Variants in SMC6 observed in about 807,000 individuals in gnomAD.
SMC6 encodes the protein structural maintenance of chromosomes protein 6.
Under a neutral mutation model 142.2 loss-of-function variants are expected in SMC6, and 79 were observed. The ratio of observed to expected loss-of-function variants is 0.56; its 90% CI spans 0.46 to 0.67. The LOEUF is 0.67. Ranked by LOEUF, SMC6 falls within the 30% of genes least tolerant of loss-of-function variation. SMC6 has a pLI of 0.00. For synonymous variants in SMC6, 411 were observed against 412.4 expected (o/e 1.00, Z 0.04); for missense variants, 1,072 against 1,284.0 (o/e 0.83, Z 2.52).
chr2:17,753,350 G>A (rs1335865972), intron 1 of SMC6, among the ~76,000 whole-genome samples: 2 of 152,224 alleles, frequency 1.3e-5, no homozygotes, highest in East Asian at 3.9e-4. Context: ...GGAGGGGACG[G>A]CCGCCTGGGA....
intron 25 of SMC6, among the ~76,000 whole-genome samples, chr2:17,671,882 C>T (rs553940096): frequency 1.5e-3 from 231 of 151,956 alleles, no homozygotes; most frequent in African/African-American, 5.2e-3. Context: ...TATATGCATA[C>T]AAGGTGAAAA....
At chr2:17,720,224 A>G (rs1467630312) in intron 11 of SMC6, among the ~76,000 whole-genome samples, 3 of 152,206 alleles carry the variant, frequency 2.0e-5, no homozygotes, top group East Asian at 1.9e-4. Context: ...GAGTGAGTAT[A>G]AAGAGTGGAT....
chr2:17,696,220 G>C (rs925074311), intron 22 of SMC6, 69 bp downstream of exon 22: 3 of 1,525,712 alleles, frequency 2.0e-6, no homozygotes, highest in African/African-American at 1.4e-5. Context: ...CATGACATTA[G>C]GGAAAACACA....
At chr2:17,692,803 T>C (rs1318793516) in intron 23 of SMC6, among the ~76,000 whole-genome samples, 2 of 152,098 alleles carry the variant, frequency 1.3e-5, no homozygotes, top group African/African-American at 2.4e-5. Flanking sequence ...TGCAATCTAC[T>C]CATCTGACAA....
At chr2:17,676,680 A>G (rs75884939) in intron 25 of SMC6, among the ~76,000 whole-genome samples, 1,950 of 152,194 alleles carry the variant, frequency 0.013, 22 homozygotes, top group East Asian at 0.031. Flanking sequence ...TGATCTAACA[A>G]CACCCTATAT....
intron 25 of SMC6, among the ~76,000 whole-genome samples, chr2:17,673,295 T>A (rs761335729): frequency 4.6e-5 from 7 of 152,208 alleles, no homozygotes; most frequent in Non-Finnish European, 8.8e-5. Flanking sequence ...GTTGCATGTA[T>A]GCATCACAAA....
intron 5 of SMC6, among the ~76,000 whole-genome samples, chr2:17,732,133 A>C (rs1259902651): frequency 6.6e-6 from 1 of 152,234 alleles, no homozygotes; most frequent in Non-Finnish European, 1.5e-5. Flanking sequence ...CATCATAGAA[A>C]TAGCACATCT....
At chr2:17,705,461 A>G (rs1194356090) in intron 18 of SMC6, among the ~76,000 whole-genome samples, 1 of 151,166 alleles carries the variant, frequency 6.6e-6, no homozygotes, top group Non-Finnish European at 1.5e-5. Flanking sequence ...CCAGGTACTC[A>G]GGTGGCTGAG....
chr2:17,723,364 T>G (rs1325568662), intron 9 of SMC6, among the ~76,000 whole-genome samples: 1 of 152,226 alleles, frequency 6.6e-6, no homozygotes, highest in African/African-American at 2.4e-5. Context: ...TCCATTTTCA[T>G]GTCTTCTACT....
At chr2:17,724,780 G>C (rs565934571) in intron 9 of SMC6, among the ~76,000 whole-genome samples, 1 of 152,282 alleles carries the variant, frequency 6.6e-6, no homozygotes, top group African/African-American at 2.4e-5. Flanking sequence ...AGTTGCTTAA[G>C]GAATGTTAAC....
At chr2:17,706,280 T>C (rs1385075412) in intron 18 of SMC6, among the ~76,000 whole-genome samples, 1 of 152,180 alleles carries the variant, frequency 6.6e-6, no homozygotes, top group African/African-American at 2.4e-5. Context: ...TTCCACATTA[T>C]GTATACTTTT....
Position 17,700,322 on chromosome 2 carries a change from C to T in SMC6, c.2280G>A (p.Glu760=), listed in dbSNP as rs558572928. ...GATGCTCCATATTTTCTTTTTGTTG[C>T]TCCATATGTTCCTCAACCATTTTCA... ...SKMKMVEEHM[E]QQKENMEHLK... is the part of the protein sequence containing the mutation. The change falls in exon 21 of 28, where the codon GAG becomes GAA. Residue 760 remains glutamate, a synonymous_variant. Transcript: ENST00000448223. 1.9e-5 allele frequency: 31 copies of T among 1,610,846 alleles called. No homozygotes were observed. Among genetic ancestry groups the T allele is most frequent in the Middle Eastern group, 1.7e-4 (1 of 6,040 alleles).
intron 5 of SMC6, among the ~76,000 whole-genome samples, chr2:17,737,661 A>G (rs1670222983): frequency 1.3e-5 from 2 of 152,226 alleles, no homozygotes. Flanking sequence ...ACTATTCACC[A>G]AGGGTCTGGG....
At chr2:17,725,196 A>C (rs1249977052) in intron 9 of SMC6, 61 bp downstream of exon 9, 1 of 1,061,004 alleles carries the variant, frequency 9.4e-7, no homozygotes, top group Non-Finnish European at 1.4e-6. Flanking sequence ...AATATCATTT[A>C]CTGTAAGTAC....
chr2:17,695,040 T>C, intron 23 of SMC6, 112 bp downstream of exon 23: 1 of 1,169,520 alleles, frequency 8.6e-7, no homozygotes, highest in Non-Finnish European at 1.2e-6. Context: ...GCTATAACTA[T>C]TTGCTATAGT....
intron 23 of SMC6, among the ~76,000 whole-genome samples, chr2:17,694,890 C>T (rs57350811): frequency 1.3e-5 from 2 of 152,242 alleles, no homozygotes; most frequent in East Asian, 1.9e-4. Context: ...TGAAGTTGAA[C>T]ATTTTCATGT....
intron 2 of SMC6, among the ~76,000 whole-genome samples, chr2:17,751,200 C>G (rs1671012411): frequency 6.6e-6 from 1 of 151,896 alleles, no homozygotes; most frequent in Admixed American, 6.6e-5. Flanking sequence ...TGAGTTTGGG[C>G]TGGGCTCAGT....
At chr2:17,751,410 G>A (rs1027843933) in intron 2 of SMC6, among the ~76,000 whole-genome samples, 2 of 150,366 alleles carry the variant, frequency 1.3e-5, no homozygotes, top group East Asian at 1.9e-4. Flanking sequence ...AACCCGGGAG[G>A]CAGGATTGCA....
At chr2:17,737,002 T>C (rs1270629641) in intron 5 of SMC6, among the ~76,000 whole-genome samples, 5 of 152,204 alleles carry the variant, frequency 3.3e-5, no homozygotes, top group African/African-American at 9.6e-5. Flanking sequence ...AATTTTTTGC[T>C]ACAGACATCA....
Sources: allele counts gnomAD v4.1 joint callset (sites outside exome capture counted in the v4.1 genomes callset), GRCh38; gene constraint gnomAD v4.1.1; transcripts MANE v1.5; gene names NCBI Gene and HGNC (gene_info 2026-07-23, HGNC 2026-07-21).